POU2AF3: variants seen among roughly 807,000 people sequenced by gnomAD.
POU2AF3 encodes POU class 2 homeobox associating factor 3, also known as cancer susceptibility candidate 13.
At chr11:111,299,004 C>A in the POU2AF3 span, 1 of 996,180 alleles carries the variant, frequency 1.0e-6, no homozygotes, top group African/African-American at 1.7e-5. Context: ...CCCCGAGGGG[C>A]GCCCGCTGCC....
chr11:111,307,690 T>G, the POU2AF3 span, among the ~76,000 whole-genome samples: 1 of 152,154 alleles, frequency 6.6e-6, no homozygotes, highest in African/African-American at 2.4e-5. Context: ...ATGGTGAGGG[T>G]GTGGAGAAAC....
At chr11:111,304,972 A>G in the POU2AF3 span, 2 of 1,232,796 alleles carry the variant, frequency 1.6e-6, no homozygotes, top group South Asian at 8.2e-5. Context: ...CAGTTGCACC[A>G]TCTTCTGCAG....
At chr11:111,300,418 G>T in the POU2AF3 span, 1 of 399,936 alleles carries the variant, frequency 2.5e-6, no homozygotes. Flanking sequence ...TGTGTTCTCC[G>T]AACTTAGAAA....
At chr11:111,308,492 T>C in the POU2AF3 span, 1 of 1,463,682 alleles carries the variant, frequency 6.8e-7, no homozygotes, top group South Asian at 1.4e-5. Flanking sequence ...TTCTACCACG[T>C]CTAGATGACA....
At chr11:111,298,905 C>CG in the POU2AF3 span, 9 of 1,102,232 alleles carry the variant, frequency 8.2e-6, no homozygotes, top group East Asian at 2.6e-4. Flanking sequence ...GAAGCTGCTA[C>CG]GGGGGGAGCT....
chr11:111,300,435 T>C, the POU2AF3 span: 2 of 449,668 alleles, frequency 4.4e-6, no homozygotes. Context: ...GAAACTTGGC[T>C]TTGGGTGCCA....
chr11:111,299,577 C>A, the POU2AF3 span: 1 of 1,215,652 alleles, frequency 8.2e-7, no homozygotes, highest in Non-Finnish European at 1.0e-6. Flanking sequence ...CCCCGCCAGC[C>A]CCGGGGCGGC....
the POU2AF3 span, chr11:111,299,690 G>A: frequency 4.9e-6 from 6 of 1,231,380 alleles, no homozygotes; most frequent in African/African-American, 9.3e-5. Flanking sequence ...GCCTCAGTGC[G>A]CCTCGGAGAA....
chr11:111,307,439 A>C, the POU2AF3 span, among the ~76,000 whole-genome samples: 1 of 152,176 alleles, frequency 6.6e-6, no homozygotes, highest in Admixed American at 6.5e-5. Flanking sequence ...ACTCTGCAGA[A>C]TATGCACATT....
chr11:111,298,730 C>T, the POU2AF3 span: 2 of 1,091,674 alleles, frequency 1.8e-6, no homozygotes, highest in Non-Finnish European at 1.2e-6. Flanking sequence ...CCGGAGAGGA[C>T]GCGAGCCACG....
the POU2AF3 span, chr11:111,298,677 CAG>C: frequency 8.4e-7 from 1 of 1,187,992 alleles, no homozygotes; most frequent in Non-Finnish European, 1.1e-6. Flanking sequence ...CTGCATAGAA[CAG>C]AGAGGCACAA....
At chr11:111,305,381 C>A in the POU2AF3 span, among the ~76,000 whole-genome samples, 1 of 152,218 alleles carries the variant, frequency 6.6e-6, no homozygotes, top group Non-Finnish European at 1.5e-5. Flanking sequence ...TAGTTTCCAG[C>A]CGACAGGGGC....
chr11:111,307,023 G>A, the POU2AF3 span, among the ~76,000 whole-genome samples: 2 of 152,162 alleles, frequency 1.3e-5, no homozygotes, highest in Admixed American at 1.3e-4. Flanking sequence ...ATGGAATTAA[G>A]GCTGTGTATA....
the POU2AF3 span, among the ~76,000 whole-genome samples, chr11:111,302,136 G>A: frequency 1.3e-5 from 2 of 152,180 alleles, no homozygotes; most frequent in Admixed American, 6.5e-5. Flanking sequence ...TCTGTACCTC[G>A]ATTACAGGCA....
chr11:111,298,826 GCCCC>G, the POU2AF3 span: 3 of 790,962 alleles, frequency 3.8e-6, no homozygotes, highest in Non-Finnish European at 5.1e-6. Flanking sequence ...CGTACCCCAG[GCCCC>G]CGCCCGCCCT....
chr11:111,299,787 T>C, the POU2AF3 span: 4 of 1,157,010 alleles, frequency 3.5e-6, no homozygotes, highest in Non-Finnish European at 3.3e-6. Context: ...GAGGGCAAGA[T>C]GGAGCGCGGA....
the POU2AF3 span, chr11:111,298,826 G>GCCGGGGCCCCC: frequency 2.5e-6 from 2 of 790,962 alleles, no homozygotes; most frequent in Non-Finnish European, 3.4e-6. Context: ...CGTACCCCAG[G>GCCGGGGCCCCC]CCCCCGCCCG....
chr11:111,298,827 C>CCGCCG, the POU2AF3 span: 2 of 631,568 alleles, frequency 3.2e-6, no homozygotes, highest in Non-Finnish European at 4.5e-6. Context: ...GTACCCCAGG[C>CCGCCG]CCCCGCCCGC....
At chr11:111,306,497 C>T in the POU2AF3 span, 5 of 1,537,434 alleles carry the variant, frequency 3.3e-6, no homozygotes, top group Non-Finnish European at 4.4e-6. Flanking sequence ...GCTGCCTCGA[C>T]CAGATCTTTG....
Sources: allele counts gnomAD v4.1 joint callset (sites outside exome capture counted in the v4.1 genomes callset), GRCh38; gene constraint gnomAD v4.1.1; transcripts MANE v1.5; gene names NCBI Gene and HGNC (gene_info 2026-07-23, HGNC 2026-07-21).